ZNF385B: variants seen among roughly 807,000 people sequenced by gnomAD.
ZNF385B encodes zinc finger protein 385B, also known as zinc finger protein 533.
ZNF385B carries 23 observed loss-of-function variants against 39.2 expected under a neutral mutation model. The observed-to-expected ratio is 0.59, with a 90% CI of 0.42 to 0.83. ZNF385B has a LOEUF of 0.83. ZNF385B is among the 40% of genes least tolerant of loss of function. The pLI, the probability that ZNF385B is intolerant of heterozygous loss-of-function variation, is 0.00. For synonymous variants in ZNF385B, 205 were observed against 222.6 expected, an observed-to-expected ratio of 0.92 and a Z score of 0.70; for missense variants, 552 against 598.9, an observed-to-expected ratio of 0.92 and a Z score of 0.82.
At chr2:179,807,211 T>C (rs1484043142) in intron 1 of ZNF385B, among the ~76,000 whole-genome samples, 1 of 152,220 alleles carries the variant, frequency 6.6e-6, no homozygotes. Flanking sequence ...GCTCACACAA[T>C]GGAATGCTAT....
At chr2:179,523,348 GTT>G (rs574497139) in intron 4 of ZNF385B, among the ~76,000 whole-genome samples, 4 of 108,662 alleles carry the variant, frequency 3.7e-5, no homozygotes, top group Admixed American at 9.4e-5. Context: ...ATCTGTGTGC[GTT>G]TTTTTTTTTT....
chr2:179,618,416 C>T (rs923330772), intron 3 of ZNF385B, among the ~76,000 whole-genome samples: 38 of 152,184 alleles, frequency 2.5e-4, no homozygotes, highest in African/African-American at 7.7e-4. Context: ...TTCATAACTC[C>T]TTTCAGAACA....
chr2:179,662,344 A>G (rs1483605286), intron 3 of ZNF385B, among the ~76,000 whole-genome samples: 10 of 150,318 alleles, frequency 6.7e-5, no homozygotes. Context: ...CGTCTGTGTT[A>G]TAGTTTATGG....
At chr2:179,826,993 C>G (rs1351619806) in intron 1 of ZNF385B, among the ~76,000 whole-genome samples, 2 of 152,134 alleles carry the variant, frequency 1.3e-5, no homozygotes, top group African/African-American at 4.8e-5. Flanking sequence ...TACACTGAGT[C>G]TTAAACCTAA....
At chr2:179,448,521 C>G (rs145232445) in intron 6 of ZNF385B, among the ~76,000 whole-genome samples, 12 of 152,148 alleles carry the variant, frequency 7.9e-5, no homozygotes, top group Non-Finnish European at 1.6e-4. Flanking sequence ...CTAATAATGT[C>G]CCTTATACTA....
In ZNF385B at chr2:179,662,080, G is replaced by A. The variant is rs186681916; in HGVS notation, c.298+107423C>T. 4.4e-4 allele frequency among the ~76,000 whole-genome samples: 67 copies of A among 152,334 alleles called. No homozygotes were observed. In the East Asian group the frequency reaches 0.01, roughly 24 times the overall value. On this transcript the variant is annotated intron_variant, in intron 3 of 9. Transcript: ENST00000410066. ...GGTGTGGGATATAGATTTGTTATTA[G>A]TGAAGCAGATGTTCATTATTGGAGG...
chr2:179,592,316 A>G lies in ZNF385B; in HGVS notation c.299-47347T>C, dbSNP rs926789582. 1.1e-4 allele frequency among the ~76,000 whole-genome samples: 17 copies of G among 152,344 alleles called. 1 individual carries two copies. Among genetic ancestry groups the G allele is most frequent in the Non-Finnish European group, 1.9e-4 (13 of 68,040 alleles). ...AACCCTGTTCATTTAAATAACTTAAATGCCATTTTTATAACTCATAAGTAT... is the reference window on the plus strand; with the variant it reads ...AACCCTGTTCATTTAAATAACTTAAGTGCCATTTTTATAACTCATAAGTAT... On this transcript the variant is annotated intron_variant, in intron 3 of 9. Transcript: ENST00000410066.
At chr2:179,712,271 A>G (rs1700054817) in intron 3 of ZNF385B, among the ~76,000 whole-genome samples, 1 of 152,178 alleles carries the variant, frequency 6.6e-6, no homozygotes, top group African/African-American at 2.4e-5. Context: ...TAAACTTTCT[A>G]CATTTTCTTA....
At chr2:179,631,695 C>T (rs6710552) in intron 3 of ZNF385B, among the ~76,000 whole-genome samples, 29,747 of 152,006 alleles carry the variant, frequency 0.2, 4,109 homozygotes, top group African/African-American at 0.4. Flanking sequence ...AGTAAATAGG[C>T]TAAATGCCCC....
intron 3 of ZNF385B, among the ~76,000 whole-genome samples, chr2:179,663,615 T>G (rs183989325): frequency 2.7e-4 from 39 of 144,028 alleles, no homozygotes; most frequent in Middle Eastern, 3.7e-3. Context: ...GAGGCTGAGG[T>G]AGGAGAATGG....
At chr2:179,854,983 T>G (rs535283571) in intron 1 of ZNF385B, among the ~76,000 whole-genome samples, 1 of 152,314 alleles carries the variant, frequency 6.6e-6, no homozygotes, top group East Asian at 1.9e-4. Flanking sequence ...TCTACAGTTC[T>G]TTCACATGCA....
In ZNF385B at chr2:179,748,459, T is replaced by C. The variant is rs548803850; in HGVS notation, c.298+21044A>G. Among the ~76,000 whole-genome samples, 84 of 152,224 alleles carry C rather than the reference T, an allele frequency of 5.5e-4. 1 individual carries two copies. Among genetic ancestry groups the C allele is most frequent in the Middle Eastern group, 3.4e-3 (1 of 294 alleles). ...AACATTGGGTTATCTCACCCTCTTC[T>C]CATTGTACCCAAAAGCAAAATATCC... On this transcript the variant is annotated intron_variant, in intron 3 of 9. Coordinates refer to ENST00000410066, the MANE Select transcript of ZNF385B (RefSeq NM_152520.6).
chr2:179,761,761 C>CTTTTTTTTTTTTTTTTTTTTTT (rs34325728), intron 3 of ZNF385B, among the ~76,000 whole-genome samples: 1 of 110,288 alleles, frequency 9.1e-6, no homozygotes, highest in Non-Finnish European at 1.8e-5. Flanking sequence ...TTTTTCTTTT[C>CTTTTTTTTTTTTTTTTTTTTTT]TTTTTTTTTT....
At chr2:179,743,416 A>G (rs1702190379) in intron 3 of ZNF385B, among the ~76,000 whole-genome samples, 1 of 151,970 alleles carries the variant, frequency 6.6e-6, no homozygotes, top group Non-Finnish European at 1.5e-5. Flanking sequence ...TTTTATCTTG[A>G]CTCTTTACAT....
chr2:179,785,580 C>G (rs1209889191), intron 1 of ZNF385B, among the ~76,000 whole-genome samples: 1 of 151,980 alleles, frequency 6.6e-6, no homozygotes, highest in African/African-American at 2.4e-5. Flanking sequence ...AATTCTAATC[C>G]TCATGGATAA....
At chr2:179,503,779 C>T (rs1246258430) in intron 5 of ZNF385B, among the ~76,000 whole-genome samples, 2 of 150,000 alleles carry the variant, frequency 1.3e-5, no homozygotes, top group Non-Finnish European at 3.0e-5. Flanking sequence ...TTTCCAGCTT[C>T]ATCCATGTCC....
At chr2:179,533,879 T>C (rs2059408074) in intron 4 of ZNF385B, among the ~76,000 whole-genome samples, 1 of 152,212 alleles carries the variant, frequency 6.6e-6, no homozygotes, top group Non-Finnish European at 1.5e-5. Flanking sequence ...TATGACAATG[T>C]ATCATAGGGA....
intron 3 of ZNF385B, among the ~76,000 whole-genome samples, chr2:179,569,168 G>C (rs959324328): frequency 6.6e-6 from 1 of 152,186 alleles, no homozygotes; most frequent in Non-Finnish European, 1.5e-5. Flanking sequence ...GCAAGCGTCA[G>C]AGCTGGGGTT....
At position 179,854,050 on chromosome 2, in the gene ZNF385B, T is replaced by C. The variant is rs570396198; in HGVS notation, c.-155+7051A>G. On this transcript the variant is annotated intron_variant, in intron 1 of 9. Transcript: ENST00000410066. ...TAATTTATTTAAAGAAAATTTCATA[T>C]ATATAAAATTGAAATGGCTGTATTT... is the stretch of plus-strand genomic sequence containing the variant. Among the ~76,000 whole-genome samples the C allele has an allele frequency of 2.0e-5, 3 of 152,310 alleles. No homozygotes were observed. The South Asian group carries it at 6.2e-4, about 32-fold the overall frequency.
Sources: allele counts gnomAD v4.1 joint callset (sites outside exome capture counted in the v4.1 genomes callset), GRCh38; gene constraint gnomAD v4.1.1; transcripts MANE v1.5; gene names NCBI Gene and HGNC (gene_info 2026-07-23, HGNC 2026-07-21).